TMEM236: variants seen among roughly 807,000 people sequenced by gnomAD.
TMEM236 encodes the protein transmembrane protein 236, also known as family with sequence similarity 23, member A.
Under a neutral mutation model 14.7 loss-of-function variants are expected in TMEM236, and 11 were observed. The observed-to-expected ratio is 0.75, with a 90% CI of 0.47 to 1.24. The LOEUF (loss-of-function observed/expected upper bound fraction) is 1.24, where lower values mean the gene tolerates loss of function less well. Ranked by LOEUF, TMEM236 falls within the 50% of genes most tolerant of loss-of-function variation. The pLI is 0.00. For synonymous variants in TMEM236, 182 were observed against 168.6 expected, an observed-to-expected ratio of 1.08 and a Z score of -0.62; for missense variants, 464 against 427.3, an observed-to-expected ratio of 1.09 and a Z score of -0.76.
At chr10:17,792,159 C>G (rs1837935772) in intron 3 of TMEM236, among the ~76,000 whole-genome samples, 1 of 152,196 alleles carries the variant, frequency 6.6e-6, no homozygotes, top group South Asian at 2.1e-4. Flanking sequence ...GCAATCTCGG[C>G]TCACTGCAAC....
At position 17,753,723 on chromosome 10, in the gene TMEM236, C is replaced by T. The variant is rs943535034; in HGVS notation, c.257+1171C>T. 9.2e-5 allele frequency among the ~76,000 whole-genome samples: 14 copies of T among 152,142 alleles called. 1 individual carries two copies. Among genetic ancestry groups the T allele is most frequent in the Admixed American group, 9.2e-4 (14 of 15,268 alleles). On this transcript the variant is annotated intron_variant, in intron 1 of 3. Transcript: ENST00000377495. ...GCAACGAACATACGGGTGCATGTGTCTGTATAATAGAATGATTTATATTCC... is the reference window on the plus strand; with the variant it reads ...GCAACGAACATACGGGTGCATGTGTTTGTATAATAGAATGATTTATATTCC...
At chr10:17,789,453 T>C (rs1386963700) in intron 3 of TMEM236, among the ~76,000 whole-genome samples, 5 of 152,254 alleles carry the variant, frequency 3.3e-5, no homozygotes, top group African/African-American at 1.2e-4. Flanking sequence ...ATGACCATTC[T>C]ATATGCCAAA....
chr10:17,753,094 A>G (rs1021825448), intron 1 of TMEM236, among the ~76,000 whole-genome samples: 2 of 152,060 alleles, frequency 1.3e-5, no homozygotes, highest in African/African-American at 4.8e-5. Context: ...CGGGGTTTTC[A>G]TGTTAGCCAG....
Position 17,796,179 on chromosome 10 carries a change from T to C in TMEM236, c.731T>C (p.Leu244Pro), listed in dbSNP as rs1393553584. Residue 244 changes from leucine (L) to proline (P), a missense_variant, in exon 4 of 4, where the codon CTG becomes CCG. Leu to Pro is a moderately conservative substitution (Grantham distance 98). Coordinates refer to ENST00000377495, the MANE Select transcript of TMEM236 (RefSeq NM_001098844.3). Reference sequence around the variant, plus strand: ...GAGTTATTCTTATGGAGCTTTCTCCTGTGGTCTGACACGATAGAAATGGTG... The same window carrying C: ...GAGTTATTCTTATGGAGCTTTCTCCCGTGGTCTGACACGATAGAAATGGTG... ...RAELFLWSFL[L>P]WSDTIEMVRV... is the part of the protein sequence containing the mutation. 3 of 1,613,878 alleles carry C rather than the reference T, an allele frequency of 1.9e-6. No individual in the cohort carries two copies. The African/African-American group carries it at 4.0e-5, about 22-fold the overall frequency.
chr10:17,783,791 A>G (rs1837792304), intron 3 of TMEM236, among the ~76,000 whole-genome samples: 1 of 152,234 alleles, frequency 6.6e-6, no homozygotes, highest in Non-Finnish European at 1.5e-5. Flanking sequence ...CTTGCAAAAT[A>G]GTATCGTAGG....
intron 3 of TMEM236, among the ~76,000 whole-genome samples, chr10:17,781,573 C>T (rs1367840432): frequency 1.3e-5 from 2 of 151,652 alleles, no homozygotes; most frequent in Non-Finnish European, 1.5e-5. Flanking sequence ...TGGTGAAACC[C>T]CGTTTCTACT....
intron 3 of TMEM236, among the ~76,000 whole-genome samples, chr10:17,785,932 G>A (rs1554835680): frequency 6.6e-6 from 1 of 152,162 alleles, no homozygotes; most frequent in Non-Finnish European, 1.5e-5. Context: ...GTCTGGATTA[G>A]ACCCATGAGA....
At chr10:17,757,472 G>C (rs2131739777) in intron 1 of TMEM236, among the ~76,000 whole-genome samples, 1 of 151,984 alleles carries the variant, frequency 6.6e-6, no homozygotes, top group East Asian at 1.9e-4. Flanking sequence ...GGTGGTACGT[G>C]ACTGTAGTCT....
At chr10:17,775,597 T>C (rs1837646762) in intron 2 of TMEM236, among the ~76,000 whole-genome samples, 1 of 152,220 alleles carries the variant, frequency 6.6e-6, no homozygotes, top group Non-Finnish European at 1.5e-5. Context: ...TTGTAAACAT[T>C]TTAAGCAGAC....
chr10:17,772,141 G>A (rs958614528), intron 2 of TMEM236, among the ~76,000 whole-genome samples: 1 of 152,160 alleles, frequency 6.6e-6, no homozygotes, highest in African/African-American at 2.4e-5. Context: ...AAATATGGCC[G>A]AGTCTCTCAT....
At chr10:17,763,920 T>TA (rs199513054) in intron 1 of TMEM236, among the ~76,000 whole-genome samples, 6 of 151,868 alleles carry the variant, frequency 4.0e-5, no homozygotes, top group African/African-American at 1.2e-4. Flanking sequence ...TCATCACCTG[T>TA]AAAAAAAGGG....
chr10:17,782,143 G>A (rs2436681), intron 3 of TMEM236, among the ~76,000 whole-genome samples: 42,451 of 151,842 alleles, frequency 0.28, 8,267 homozygotes, highest in African/African-American at 0.55. Flanking sequence ...AGAGTGACCC[G>A]TCTTGGTGGG....
chr10:17,753,476 C>A (rs947378636), intron 1 of TMEM236, among the ~76,000 whole-genome samples: 4 of 152,188 alleles, frequency 2.6e-5, no homozygotes, highest in Non-Finnish European at 5.9e-5. Flanking sequence ...TTAGCTCCCA[C>A]TTATAAATGA....
intron 3 of TMEM236, among the ~76,000 whole-genome samples, chr10:17,785,285 C>T (rs1217630354): frequency 6.6e-6 from 1 of 152,126 alleles, no homozygotes; most frequent in Non-Finnish European, 1.5e-5. Context: ...ATGAGCTCTA[C>T]CTAGCGATCA....
At chr10:17,760,072 A>T (rs1366680429) in intron 1 of TMEM236, among the ~76,000 whole-genome samples, 1 of 151,116 alleles carries the variant, frequency 6.6e-6, no homozygotes, top group Admixed American at 6.6e-5. Context: ...CAACTGAAAC[A>T]CACAGCACTA....
intron 1 of TMEM236, among the ~76,000 whole-genome samples, chr10:17,757,647 C>T (rs1837302649): frequency 6.6e-6 from 1 of 151,272 alleles, no homozygotes; most frequent in African/African-American, 2.4e-5. Context: ...ATTTGTGAGC[C>T]TAGGTCTGTC....
intron 1 of TMEM236, among the ~76,000 whole-genome samples, chr10:17,762,576 T>C (rs1238819694): frequency 1.0e-4 from 3 of 29,808 alleles, no homozygotes; most frequent in Admixed American, 8.9e-4. Context: ...CTGAATTTCA[T>C]ATATATATAT....
intron 1 of TMEM236, among the ~76,000 whole-genome samples, chr10:17,760,864 G>A (rs1476009975): frequency 6.6e-6 from 1 of 152,122 alleles, no homozygotes; most frequent in Non-Finnish European, 1.5e-5. Flanking sequence ...TCCGTGAAAC[G>A]TATTCACTGT....
chr10:17,789,846 C>T (rs1407915014), intron 3 of TMEM236, among the ~76,000 whole-genome samples: 1 of 150,964 alleles, frequency 6.6e-6, no homozygotes, highest in African/African-American at 2.4e-5. Flanking sequence ...ATGGTGAAAC[C>T]CCATCTCTAC....
Sources: gnomAD v4.1 joint callset for allele counts (sites outside exome capture counted in the v4.1 genomes callset) on GRCh38, gnomAD v4.1.1 for gene constraint, MANE v1.5 for transcripts, NCBI Gene and HGNC (gene_info 2026-07-23, HGNC 2026-07-21) for gene names.